Variants in SPATA31H1 observed in about 807,000 individuals in gnomAD.
SPATA31H1 encodes the protein spermatogenesis-associated protein 31H1.
chr2:27,565,217 T>C, the SPATA31H1 span: 1 of 634,238 alleles, frequency 1.6e-6, no homozygotes, highest in African/African-American at 1.8e-5. Flanking sequence ...GCCAACTGTA[T>C]CAATATCTGA....
the SPATA31H1 span, chr2:27,568,668 A>T: frequency 2.5e-6 from 1 of 399,014 alleles, no homozygotes; most frequent in Non-Finnish European, 4.4e-6. Flanking sequence ...AACGGAAGAT[A>T]CAAAATCTGC....
chr2:27,537,467 A>G, the SPATA31H1 span: 4 of 717,450 alleles, frequency 5.6e-6, no homozygotes, highest in Admixed American at 2.0e-5. Context: ...CTGCCATCAG[A>G]TATCAGCCTT....
chr2:27,578,158 T>C, the SPATA31H1 span: 3 of 1,614,118 alleles, frequency 1.9e-6, no homozygotes, highest in South Asian at 3.3e-5. Flanking sequence ...TCTGTGACGA[T>C]ACCAAGGCCA....
At chr2:27,579,350 G>A in the SPATA31H1 span, 1 of 1,614,206 alleles carries the variant, frequency 6.2e-7, no homozygotes, top group Non-Finnish European at 8.5e-7. Context: ...AATCTATTCA[G>A]AATTTATTTG....
the SPATA31H1 span, among the ~76,000 whole-genome samples, chr2:27,565,713 T>C: frequency 8.6e-5 from 13 of 151,878 alleles, no homozygotes; most frequent in African/African-American, 2.9e-4. Flanking sequence ...CCCTATCTTT[T>C]CCCCCCCACC....
the SPATA31H1 span, among the ~76,000 whole-genome samples, chr2:27,551,870 C>A: frequency 6.6e-6 from 1 of 152,050 alleles, no homozygotes; most frequent in South Asian, 2.1e-4. Flanking sequence ...CTCTGGAGTG[C>A]AGAGGTGCCA....
At chr2:27,547,979 C>CTTTTTT in the SPATA31H1 span, among the ~76,000 whole-genome samples, 4 of 113,264 alleles carry the variant, frequency 3.5e-5, no homozygotes, top group Admixed American at 1.1e-4. Context: ...ATAGTAATTT[C>CTTTTTT]TTTTTTTTTT....
At chr2:27,544,726 G>T in the SPATA31H1 span, among the ~76,000 whole-genome samples, 3 of 151,662 alleles carry the variant, frequency 2.0e-5, no homozygotes, top group South Asian at 6.2e-4. Context: ...GTAGGGACGA[G>T]GTTTCACCAT....
chr2:27,541,277 C>G, the SPATA31H1 span, among the ~76,000 whole-genome samples: 11 of 151,774 alleles, frequency 7.2e-5, no homozygotes, highest in Non-Finnish European at 1.5e-4. Flanking sequence ...CGCCTGCAAT[C>G]GCAGGCACTC....
the SPATA31H1 span, chr2:27,568,269 C>G: frequency 2.5e-6 from 1 of 398,932 alleles, no homozygotes; most frequent in African/African-American, 2.1e-5. Flanking sequence ...AAAGATGAAT[C>G]TAAGGCCACA....
At chr2:27,556,536 T>A in the SPATA31H1 span, among the ~76,000 whole-genome samples, 1 of 151,628 alleles carries the variant, frequency 6.6e-6, no homozygotes, top group Non-Finnish European at 1.5e-5. Context: ...CTTCAGACAT[T>A]TCTTCAGTTG....
chr2:27,573,881 G>C, the SPATA31H1 span: 1 of 398,476 alleles, frequency 2.5e-6, no homozygotes, highest in Non-Finnish European at 4.4e-6. Context: ...TGAAAAGCAA[G>C]AAATCATCTG....
the SPATA31H1 span, chr2:27,576,618 G>C: frequency 8.1e-6 from 13 of 1,608,498 alleles, no homozygotes; most frequent in African/African-American, 1.7e-4. Context: ...AAATTATCAA[G>C]AGTTGACTTC....
chr2:27,560,186 T>C, the SPATA31H1 span, among the ~76,000 whole-genome samples: 18 of 152,140 alleles, frequency 1.2e-4, no homozygotes, highest in Non-Finnish European at 1.5e-4. Flanking sequence ...TTAAATATAA[T>C]ATGCATAGGT....
At chr2:27,580,941 C>G in the SPATA31H1 span, 1 of 1,614,198 alleles carries the variant, frequency 6.2e-7, no homozygotes, top group Non-Finnish European at 8.5e-7. Context: ...ACTGCCCAAG[C>G]CCACAGATTC....
chr2:27,577,650 G>C, the SPATA31H1 span: 5 of 1,614,086 alleles, frequency 3.1e-6, no homozygotes, highest in South Asian at 1.1e-5. This position sits in a 1 kb window ranked among gnomAD's most constrained non-coding sequence, Gnocchi z 4.5. Context: ...TCGAGTTCCT[G>C]AATCTGTGGA....
At chr2:27,543,589 C>A in the SPATA31H1 span, among the ~76,000 whole-genome samples, 2 of 151,252 alleles carry the variant, frequency 1.3e-5, no homozygotes, top group Non-Finnish European at 2.9e-5. Context: ...TCCTCCCCAA[C>A]CTTTGTGTTG....
chr2:27,568,395 C>T, the SPATA31H1 span: 1 of 398,998 alleles, frequency 2.5e-6, no homozygotes, highest in Non-Finnish European at 4.4e-6. Flanking sequence ...AAAGGCTACT[C>T]CAGGGCTAAT....
chr2:27,546,873 T>G, the SPATA31H1 span, among the ~76,000 whole-genome samples: 6 of 151,900 alleles, frequency 3.9e-5, no homozygotes. Context: ...TGCAAAAAAA[T>G]CCATGATGAA....
Sources: gnomAD v4.1 joint callset for allele counts (sites outside exome capture counted in the v4.1 genomes callset) on GRCh38, gnomAD v4.1.1 for gene constraint, Gnocchi (gnomAD v3.1) non-coding constraint, MANE v1.5 for transcripts, NCBI Gene and HGNC (gene_info 2026-07-23, HGNC 2026-07-21) for gene names.